The following TMBIM6 variants were observed in gnomAD, a reference collection of about 807,000 sequenced individuals.
The protein encoded by TMBIM6 is transmembrane BAX inhibitor motif containing 6.
A neutral mutation model predicts 31.4 loss-of-function variants in TMBIM6; 13 were observed. That is an observed-to-expected ratio of 0.41 (90% CI 0.27 to 0.66). The LOEUF (loss-of-function observed/expected upper bound fraction) is 0.66, where lower values mean the gene tolerates loss of function less well. TMBIM6 is among the 30% of genes least tolerant of loss of function. TMBIM6 has a pLI of 0.28. For missense variants in TMBIM6, 275 were observed against 289.5 expected (o/e 0.95, Z 0.36); for synonymous variants, 85 against 101.7 (o/e 0.84, Z 0.99).
In TMBIM6 at chr12:49,758,378, A is replaced by G; in HGVS notation, c.336-5A>G. 1 of 1,613,990 alleles carries G rather than the reference A, an allele frequency of 6.2e-7. No homozygotes were observed. The highest frequency in any genetic ancestry group is 1.1e-5 in the South Asian group (1 of 91,080). ...CCTTAATCTAATGGTCTTTTTTTCTAACAGCATCCTTCCCACTGCTTTCAT... is the reference window on the plus strand; with the variant it reads ...CCTTAATCTAATGGTCTTTTTTTCTGACAGCATCCTTCCCACTGCTTTCAT... On this transcript the variant is annotated splice_region_variant and splice_polypyrimidine_tract_variant and intron_variant, in intron 5 of 9. Coordinates refer to ENST00000267115, the MANE Select transcript of TMBIM6 (RefSeq NM_003217.3).
intron 4 of TMBIM6, among the ~76,000 whole-genome samples, chr12:49,756,967 C>T (rs531644942): frequency 1.3e-5 from 2 of 152,076 alleles, no homozygotes; most frequent in Admixed American, 6.5e-5. Context: ...CTCCTGACCT[C>T]GTGATCCGCC....
At chr12:49,761,636 T>C in intron 8 of TMBIM6, 68 bp from the exon 9 acceptor site, 1 of 1,488,294 alleles carries the variant, frequency 6.7e-7, no homozygotes, top group East Asian at 2.3e-5. Flanking sequence ...GTTTATATTC[T>C]GCATCTTTGT....
intron 9 of TMBIM6, 107 bp downstream of exon 9, chr12:49,761,886 G>C: frequency 9.4e-7 from 1 of 1,063,236 alleles, no homozygotes; most frequent in African/African-American, 1.6e-5. Context: ...TAGGTCCAGG[G>C]TAACTGTAAG....
At position 49,758,374 on chromosome 12, in the gene TMBIM6, T is replaced by C. The variant is rs1383948265; in HGVS notation, c.336-9T>C. The C allele has an allele frequency of 6.2e-7, 1 of 1,614,168 alleles. No homozygotes were observed. The highest frequency in any genetic ancestry group is 1.1e-5 in the South Asian group (1 of 91,074). On this transcript the variant is annotated splice_polypyrimidine_tract_variant and intron_variant, in intron 5 of 9. Transcript: ENST00000267115. ...TAGCCCTTAATCTAATGGTCTTTTT[T>C]TCTAACAGCATCCTTCCCACTGCTT... is the stretch of plus-strand genomic sequence containing the variant.
intron 1 of TMBIM6, among the ~76,000 whole-genome samples, chr12:49,743,258 A>G (rs568555862): frequency 2.7e-5 from 4 of 150,228 alleles, no homozygotes; most frequent in African/African-American, 9.8e-5. Context: ...TTTTTTTGAG[A>G]CAGTCTCACT....
At chr12:49,752,062 C>T (rs1220201032) in intron 1 of TMBIM6, among the ~76,000 whole-genome samples, 1 of 152,086 alleles carries the variant, frequency 6.6e-6, no homozygotes, top group Non-Finnish European at 1.5e-5. Context: ...GCCACTATGC[C>T]CAGCCAAGGG....
intron 4 of TMBIM6, 114 bp from the exon 5 acceptor site, chr12:49,758,113 T>C (rs556957862): frequency 1.3e-5 from 14 of 1,073,034 alleles, no homozygotes; most frequent in African/African-American, 1.3e-4. Context: ...TTTAATTCTT[T>C]AGTCCACGTT....
intron 1 of TMBIM6, chr12:49,750,513 C>G (rs1252546570): frequency 6.6e-6 from 1 of 152,174 alleles, no homozygotes; most frequent in East Asian, 1.9e-4. Context: ...AGTGTGCTCT[C>G]TAGAGGACAT....
At chr12:49,749,243 A>G (rs1301864288) in intron 1 of TMBIM6, among the ~76,000 whole-genome samples, 1 of 152,174 alleles carries the variant, frequency 6.6e-6, no homozygotes, top group Non-Finnish European at 1.5e-5. Flanking sequence ...GCAAACTATC[A>G]TATTTCTTTG....
chr12:49,759,135 A>G (rs528057573), intron 7 of TMBIM6, 86 bp from the exon 8 acceptor site: 285 of 1,147,164 alleles, frequency 2.5e-4, no homozygotes, highest in Middle Eastern at 7.9e-4. Flanking sequence ...ATGTACTTTC[A>G]AGTGACTATG....
intron 1 of TMBIM6, among the ~76,000 whole-genome samples, chr12:49,751,643 C>T (rs773116896): frequency 3.3e-5 from 5 of 151,682 alleles, no homozygotes; most frequent in South Asian, 4.1e-4. Context: ...AAATTTGATA[C>T]GCATATATTT....
At position 49,752,549 on chromosome 12, in the gene TMBIM6, TGTAA is replaced by T. The variant is rs1267656976; in HGVS notation, c.56+3_56+6del. On this transcript the variant is annotated splice_donor_variant and splice_donor_region_variant and intron_variant, in intron 2 of 9. Transcript: ENST00000267115. LOFTEE classifies it high-confidence loss of function. ...GATGCGCTTTTAAAATTTTCTCATATGTAAGTGTTTTGACCTTGACTGGTTTTGT... is the reference window on the plus strand; with the variant it reads ...GATGCGCTTTTAAAATTTTCTCATATGTGTTTTGACCTTGACTGGTTTTGT... 6.2e-7 allele frequency: 1 copy of T among 1,612,264 alleles called. No individual in the cohort carries two copies. Among genetic ancestry groups the T allele is most frequent in the South Asian group, 1.1e-5 (1 of 90,912 alleles).
intron 1 of TMBIM6, among the ~76,000 whole-genome samples, chr12:49,746,402 T>A (rs7968302): frequency 3.9e-4 from 60 of 152,070 alleles, no homozygotes; most frequent in Non-Finnish European, 7.2e-4. Flanking sequence ...CTACTGAAGA[T>A]ATTGTAGTAA....
At chr12:49,746,770 CAGA>C (rs200550544) in intron 1 of TMBIM6, among the ~76,000 whole-genome samples, 8 of 151,846 alleles carry the variant, frequency 5.3e-5, no homozygotes, top group South Asian at 2.1e-4. Context: ...GCCAAAAACA[CAGA>C]AGAAGAAGAA....
Position 49,752,511 on chromosome 12 carries a change from A to G in TMBIM6, c.18A>G (p.Arg6=). ...CTGGAACCATGAACATATTTGATCG[A>G]AAGATCAACTTTGATGCGCTTTTAA... MNIFD[R]KINFDALLKF... Residue 6 remains arginine (R), a synonymous_variant, in exon 2 of 10, where the codon CGA becomes CGG. Transcript: ENST00000267115. 1 of 1,613,816 alleles carries G rather than the reference A, an allele frequency of 6.2e-7. No homozygotes were observed. Among genetic ancestry groups the G allele is most frequent in the African/African-American group, 1.3e-5 (1 of 75,030 alleles).
At position 49,741,840 on chromosome 12, in the gene TMBIM6, A is replaced by G. The variant is rs1193010424; in HGVS notation, c.-31+229A>G. On this transcript the variant is annotated intron_variant, in intron 1 of 9. Coordinates refer to ENST00000267115, the MANE Select transcript of TMBIM6 (RefSeq NM_003217.3). ...CTGAAGCGGGGGTGGGGCGGAGGCGAGTCTGCGGGGGTTTTGGGGGGTGTC... is the reference window on the plus strand; with the variant it reads ...CTGAAGCGGGGGTGGGGCGGAGGCGGGTCTGCGGGGGTTTTGGGGGGTGTC... 1.0e-3 allele frequency: 407 copies of G among 399,572 alleles called. 4 individuals are homozygous for G. Among genetic ancestry groups the G allele is most frequent in the Non-Finnish European group, 1.3e-4 (29 of 220,798 alleles). 24.8% of individuals were successfully genotyped at this position (399,572 alleles called of 1,614,324 possible).
rs748460428 is a variant in TMBIM6, at chr12:49,742,144, ACTC to A, written c.-31+537_-31+539del. 6 of 1,611,364 alleles carry A rather than the reference ACTC, an allele frequency of 3.7e-6. No individual in the cohort carries two copies. In the Admixed American group the frequency reaches 6.7e-5, roughly 18 times the overall value. On this transcript the variant is annotated intron_variant, in intron 1 of 9. Transcript: ENST00000267115. ...GGGCCTGGCGGGCGGGTGATGTCAC[ACTC>A]CTCTGTGACACGCGAGGCTCCTCAG... is the stretch of plus-strand genomic sequence containing the variant.
chr12:49,753,495 G>A (rs1228869804), intron 3 of TMBIM6, among the ~76,000 whole-genome samples: 6 of 152,166 alleles, frequency 3.9e-5, no homozygotes, highest in Admixed American at 1.3e-4. Context: ...TTTATTTTCC[G>A]ATAACTGTTG....
intron 8 of TMBIM6, among the ~76,000 whole-genome samples, chr12:49,760,444 AC>A (rs1945694431): frequency 1.3e-5 from 2 of 150,644 alleles, no homozygotes; most frequent in Admixed American, 1.3e-4. Context: ...ATGGGGTCTT[AC>A]CATATGCCCA....
Sources: allele counts gnomAD v4.1 joint callset (sites outside exome capture counted in the v4.1 genomes callset), GRCh38; gene constraint gnomAD v4.1.1; transcripts MANE v1.5; gene names NCBI Gene and HGNC (gene_info 2026-07-23, HGNC 2026-07-21).